The following CYP2C8 variants were observed in gnomAD, a reference collection of about 807,000 sequenced individuals.
CYP2C8 encodes cytochrome P450 family 2 subfamily C member 8, also known as cytochrome P450 2C8.
A neutral mutation model predicts 41.3 loss-of-function variants in CYP2C8; 51 were observed. That is an observed-to-expected ratio of 1.24 (90% CI 0.99 to 1.56). The LOEUF is 1.56. CYP2C8 is among the 40% of genes most tolerant of loss of function. The probability of loss-of-function intolerance (pLI) is 0.00; values close to 1 mark genes in which losing one functional copy is unlikely to be tolerated. For synonymous variants in CYP2C8, 218 were observed against 205.8 expected (o/e 1.06, Z -0.51); for missense variants, 651 against 579.9 (o/e 1.12, Z -1.26).
intron 4 of CYP2C8, among the ~76,000 whole-genome samples, chr10:95,060,045 A>C (rs919858785): frequency 6.6e-6 from 1 of 152,216 alleles, no homozygotes; most frequent in Admixed American, 6.5e-5. Flanking sequence ...TGGTTAATGC[A>C]GCCTTGTAGA....
rs201301235 is a variant in CYP2C8 at position 95,039,001 on chromosome 10, T to G, written c.1187A>C (p.His396Pro). 1.1e-4 allele frequency: 174 copies of G among 1,613,614 alleles called. No individual in the cohort carries two copies. The highest frequency in any genetic ancestry group is 1.4e-4 in the Non-Finnish European group (170 of 1,179,590). The change falls in exon 8 of 9, where the codon CAT (histidine) becomes CCT (proline). Residue 396 changes from histidine to proline, a missense_variant. Coordinates refer to ENST00000371270, the MANE Select transcript of CYP2C8 (RefSeq NM_000770.3). Reference sequence around the variant, plus strand: ...TGGATTAGGAAATTCTTTGTCATCATGTAGCACGGAAGTCAGTAATGCCAT... The same window carrying G: ...TGGATTAGGAAATTCTTTGTCATCAGGTAGCACGGAAGTCAGTAATGCCAT... Reference protein sequence around the residue: ...TIMALLTSVLHDDKEFPNPNI... With the variant: ...TIMALLTSVLPDDKEFPNPNI...
intron 5 of CYP2C8, among the ~76,000 whole-genome samples, chr10:95,055,296 C>T (rs2033294519): frequency 6.6e-6 from 1 of 152,004 alleles, no homozygotes; most frequent in Non-Finnish European, 1.5e-5. Flanking sequence ...TAAACCTAAT[C>T]ATCTATGCCC....
rs762895826 is a variant in CYP2C8, at chr10:95,043,003, G to C, written c.1036C>G (p.Pro346Ala). ...SPCMQDRSHM[P>A]YTDAVVHEIQ... The stretch of plus-strand genomic sequence containing the variant: ...TCGTGCACTACAGCATCAGTGTAAG[G>C]CATGTGGCTCCTATCCTGCATGCAG... The change falls in exon 7 of 9, where the codon CCT becomes GCT. Residue 346 changes from proline to alanine, a missense_variant. Pro to Ala is a conservative substitution (Grantham distance 27). Transcript: ENST00000371270. 6.2e-7 allele frequency: 1 copy of C among 1,614,038 alleles called. No individual in the cohort carries two copies. Among genetic ancestry groups the C allele is most frequent in the Non-Finnish European group, 8.5e-7 (1 of 1,180,010 alleles).
In CYP2C8 at chr10:95,043,014, C is replaced by T. The variant is rs1472318471; in HGVS notation, c.1025G>A (p.Arg342Lys). 6.2e-7 allele frequency: 1 copy of T among 1,614,030 alleles called. No homozygotes were observed. The highest frequency in any genetic ancestry group is 1.3e-5 in the African/African-American group (1 of 74,918). Residue 342 changes from arginine (R) to lysine (K), a missense_variant, in exon 7 of 9, where the codon AGG becomes AAG. Transcript: ENST00000371270. ...AGCATCAGTGTAAGGCATGTGGCTC[C>T]TATCCTGCATGCAGGGGCTCCTGTG... ...GRHRSPCMQD[R>K]SHMPYTDAVV... is the part of the protein sequence containing the mutation.
intron 4 of CYP2C8, among the ~76,000 whole-genome samples, chr10:95,061,045 G>A (rs529601918): frequency 1.6e-4 from 24 of 152,148 alleles, no homozygotes; most frequent in Admixed American, 2.6e-4. Flanking sequence ...TCAGTTTGCC[G>A]TAATTTATTG....
chr10:95,063,745 G>C (rs11188170), intron 4 of CYP2C8, among the ~76,000 whole-genome samples: 104,422 of 152,038 alleles, frequency 0.69, 36,584 homozygotes, highest in Middle Eastern at 0.84. Flanking sequence ...TTTTTCTGTT[G>C]TGTTTTTCCC....
At chr10:95,043,863 A>AGC (rs898942862) in intron 6 of CYP2C8, among the ~76,000 whole-genome samples, 2 of 86,856 alleles carry the variant, frequency 2.3e-5, no homozygotes, top group Admixed American at 9.9e-5. Context: ...TACTCACAGA[A>AGC]GCACACACAC....
At chr10:95,068,548 A>C in intron 1 of CYP2C8, 1 of 1,237,586 alleles carries the variant, frequency 8.1e-7, no homozygotes, top group Non-Finnish European at 1.1e-6. Flanking sequence ...ACACATGACT[A>C]CTATAGTAGA....
chr10:95,060,290 C>T (rs1287406768), intron 4 of CYP2C8, among the ~76,000 whole-genome samples: 1 of 152,096 alleles, frequency 6.6e-6, no homozygotes, highest in Admixed American at 6.5e-5. Context: ...GAATGTTCTT[C>T]CATTTGTTTG....
intron 4 of CYP2C8, among the ~76,000 whole-genome samples, chr10:95,063,546 T>G (rs1223929659): frequency 6.6e-6 from 1 of 152,162 alleles, no homozygotes; most frequent in Non-Finnish European, 1.5e-5. Flanking sequence ...TCATCTAATC[T>G]TTTTTTAAGG....
chr10:95,048,898 G>A (rs941174036), intron 5 of CYP2C8, among the ~76,000 whole-genome samples: 3 of 152,120 alleles, frequency 2.0e-5, no homozygotes, highest in African/African-American at 7.2e-5. Context: ...AAACTCTTCT[G>A]AGCATTGGTG....
At chr10:95,038,829 T>G in intron 8 of CYP2C8, 68 bp downstream of exon 8, 1 of 1,512,172 alleles carries the variant, frequency 6.6e-7, no homozygotes, top group Non-Finnish European at 9.2e-7. Flanking sequence ...AGGTGCCATG[T>G]AAATTCCAAC....
intron 3 of CYP2C8, among the ~76,000 whole-genome samples, chr10:95,066,149 A>AGT (rs751093504): frequency 7.0e-4 from 82 of 116,426 alleles, no homozygotes; most frequent in African/African-American, 3.1e-3. Context: ...AGAGAGAGAG[A>AGT]GAGAGTGTGT....
At chr10:95,046,748 TAAAAA>T (rs56702266) in intron 5 of CYP2C8, among the ~76,000 whole-genome samples, 68 of 128,960 alleles carry the variant, frequency 5.3e-4, no homozygotes, top group Middle Eastern at 8.5e-3. Context: ...CTAAATATGG[TAAAAA>T]AAAAAAAAAA....
chr10:95,050,910 A>G (rs1275494357), intron 5 of CYP2C8, among the ~76,000 whole-genome samples: 3 of 152,132 alleles, frequency 2.0e-5, no homozygotes, highest in Non-Finnish European at 4.4e-5. Context: ...CAACAAAAAT[A>G]CCTAACTCTA....
At chr10:95,055,714 C>T (rs540124839) in intron 5 of CYP2C8, among the ~76,000 whole-genome samples, 22 of 152,190 alleles carry the variant, frequency 1.4e-4, no homozygotes, top group South Asian at 4.1e-4. Flanking sequence ...GTATTTCATA[C>T]GTATTTAGTA....
At chr10:95,043,864 G>GCA (rs58419621) in intron 6 of CYP2C8, among the ~76,000 whole-genome samples, 41,285 of 139,116 alleles carry the variant, frequency 0.3, 6,119 homozygotes, top group African/African-American at 0.43. Context: ...ACTCACAGAA[G>GCA]CACACACACA....
At chr10:95,058,175 A>C (rs560678371) in intron 5 of CYP2C8, among the ~76,000 whole-genome samples, 160 bp downstream of exon 5, 1 of 152,304 alleles carries the variant, frequency 6.6e-6, no homozygotes, top group African/African-American at 2.4e-5. Context: ...TGTATTTTCC[A>C]TGATGTTTAG....
intron 8 of CYP2C8, among the ~76,000 whole-genome samples, 182 bp from the exon 9 acceptor site, chr10:95,037,491 C>T (rs534467359): frequency 6.6e-6 from 1 of 152,186 alleles, no homozygotes; most frequent in African/African-American, 2.4e-5. Context: ...GATGGTGGGA[C>T]AAACAAATGT....
Sources: allele counts gnomAD v4.1 joint callset (sites outside exome capture counted in the v4.1 genomes callset), GRCh38; gene constraint gnomAD v4.1.1; transcripts MANE v1.5; gene names NCBI Gene and HGNC (gene_info 2026-07-23, HGNC 2026-07-21).